MADD: variants seen among roughly 807,000 people sequenced by gnomAD.
MADD encodes the protein MAP kinase activating death domain.
A neutral mutation model predicts 176.7 loss-of-function variants in MADD; 109 were observed. The observed-to-expected ratio is 0.62, with a 90% CI of 0.53 to 0.72. The LOEUF (loss-of-function observed/expected upper bound fraction) is 0.72, where lower values mean the gene tolerates loss of function less well. Ranked by LOEUF, MADD falls within the 30% of genes least tolerant of loss-of-function variation. MADD has a pLI of 0.00. For synonymous variants in MADD, 771 were observed against 771.3 expected (o/e 1.00, Z 0.01); for missense variants, 1,914 against 2,045.5 (o/e 0.94, Z 1.24).
chr11:47,325,740 C>T lies in MADD; in HGVS notation c.4543-998C>T, dbSNP rs1157863078. Among the ~76,000 whole-genome samples, 2 of 152,346 alleles carry T rather than the reference C, an allele frequency of 1.3e-5. No homozygotes were observed. The highest frequency in any genetic ancestry group is 2.1e-4 in the South Asian group (1 of 4,832). On this transcript the variant is annotated intron_variant, in intron 30 of 32. Transcript: ENST00000402192. The surrounding 1 kb of genome is among the most constrained non-coding windows in gnomAD (Gnocchi z 4.5). ...GAGCAGACTTCTGACCACATTTTAG[C>T]GCCGTGGCCTCTGAAGATGAGATCT...
exon 33 of MADD, chr11:47,329,499 C>G: frequency 4.5e-6 from 1 of 224,374 alleles, no homozygotes; most frequent in Non-Finnish European, 9.0e-6. Flanking sequence ...CTGCAAGAGT[C>G]TGGCTCTCCC....
chr11:47,273,965 C>T (rs1409983548), exon 2 of MADD: 9 of 1,613,914 alleles, frequency 5.6e-6, no homozygotes, highest in East Asian at 2.2e-5. Flanking sequence ...ATCTAGTGAT[C>T]GTAGGGGCCA....
chr11:47,272,870 C>T (rs1380348062), intron 1 of MADD, among the ~76,000 whole-genome samples: 1 of 152,102 alleles, frequency 6.6e-6, no homozygotes, highest in African/African-American at 2.4e-5. Flanking sequence ...AGCCTGAGAT[C>T]AAAATAGAGG....
chr11:47,286,193 A>T lies in MADD; in HGVS notation c.2552-240A>T, dbSNP rs138318277. On this transcript the variant is annotated intron_variant, in intron 14 of 32. Transcript: ENST00000402192. ...GTGTAGCAGTGGATGAGAGACTTGG[A>T]TATTATCATGTGAGGTGGACAGAGA... is the stretch of plus-strand genomic sequence containing the variant. Among the ~76,000 whole-genome samples the T allele has an allele frequency of 3.1e-3, 478 of 152,248 alleles. 6 individuals carry two copies. Among genetic ancestry groups the T allele is most frequent in the African/African-American group, 0.011 (462 of 41,544 alleles).
chr11:47,322,113 C>T (rs1478700412), intron 27 of MADD, among the ~76,000 whole-genome samples: 2 of 152,072 alleles, frequency 1.3e-5, no homozygotes, highest in African/African-American at 4.8e-5. Flanking sequence ...CACATTAACT[C>T]ATTTAGTCTT....
At chr11:47,269,955 TGGCGCGCCCTCCCGCGCCCACG>T (rs1259808033), upstream of MADD, 3 of 152,232 alleles carry the variant, frequency 2.0e-5, no homozygotes, top group Admixed American at 6.5e-5. Context: ...TGGGTCGGCC[TGGCGCGCCCTCCCGCGCCCACG>T]GGCGCTAGGC....
At chr11:47,308,659 A>G in exon 23 of MADD, 1 of 1,614,116 alleles carries the variant, frequency 6.2e-7, no homozygotes, top group East Asian at 2.2e-5. Context: ...GTACTTCTGA[A>G]GATGTGAGCC....
intron 13 of MADD, 99 bp from the exon 14 acceptor site, chr11:47,285,352 G>A (rs2059865064): frequency 2.6e-6 from 4 of 1,565,060 alleles, no homozygotes; most frequent in East Asian, 2.2e-5. Context: ...TAGGAATTAC[G>A]GGAAGGGAGT....
At chr11:47,275,391 A>G (rs1048049931) in intron 3 of MADD, among the ~76,000 whole-genome samples, 1 of 152,222 alleles carries the variant, frequency 6.6e-6, no homozygotes, top group African/African-American at 2.4e-5. Flanking sequence ...TCCTGGGTTC[A>G]AGTGATCCTT....
intron 27 of MADD, among the ~76,000 whole-genome samples, chr11:47,320,802 G>A (rs1378169228): frequency 6.6e-6 from 1 of 151,984 alleles, no homozygotes; most frequent in Non-Finnish European, 1.5e-5. Flanking sequence ...CATGCCTATG[G>A]TCCTAGCTAC....
chr11:47,327,468 G>A, intron 31 of MADD: 1 of 985,410 alleles, frequency 1.0e-6, no homozygotes, highest in Non-Finnish European at 1.2e-6. Context: ...GGCTCGTGCT[G>A]CCTCTCCCCA....
chr11:47,289,325 G>T, intron 15 of MADD, 66 bp from the exon 17 acceptor site: 2 of 1,314,618 alleles, frequency 1.5e-6, no homozygotes, highest in South Asian at 2.4e-5. Context: ...GCTACTTAGG[G>T]CTGTGCTGGC....
At chr11:47,285,066 G>T in exon 13 of MADD, 1 of 1,614,160 alleles carries the variant, frequency 6.2e-7, no homozygotes, top group African/African-American at 1.3e-5. Flanking sequence ...TTGGAGAGGG[G>T]TCAGTGCGCC....
exon 5 of MADD, chr11:47,276,759 G>T (rs1565277409): frequency 6.2e-7 from 1 of 1,614,146 alleles, no homozygotes; most frequent in East Asian, 2.2e-5. Context: ...AGACTACAAT[G>T]CACTCTCCAT....
In MADD at chr11:47,325,545, G is replaced by A. The variant is rs2095349782; in HGVS notation, c.4542+968G>A. Among the ~76,000 whole-genome samples, 1 of 152,184 alleles carries A rather than the reference G, an allele frequency of 6.6e-6. No homozygotes were observed. The highest frequency in any genetic ancestry group is 2.1e-4 in the South Asian group (1 of 4,826). On this transcript the variant is annotated intron_variant, in intron 30 of 32. Transcript: ENST00000402192. This position sits in a 1 kb window ranked among gnomAD's most constrained non-coding sequence, Gnocchi z 4.5. ...GTAGCTCTCTTTCAGGAACGTAGCTGGGCAGCTTTGGTTTAACAGGAAATG... is the reference window on the plus strand; with the variant it reads ...GTAGCTCTCTTTCAGGAACGTAGCTAGGCAGCTTTGGTTTAACAGGAAATG...
exon 29 of MADD, chr11:47,324,315 C>T (rs1461467600): frequency 6.2e-7 from 1 of 1,614,220 alleles, no homozygotes; most frequent in South Asian, 1.1e-5. Context: ...GCGCTGCCGC[C>T]CGACAGCAAA....
In MADD at chr11:47,274,011, C is replaced by T; in HGVS notation, c.62+35C>T. ...AAGAGATTGACTTTTGTCTTAATAT[C>T]TGGGATAGCCATAAAATCTGCAGTT... On this transcript the variant is annotated intron_variant, in intron 2 of 32. Transcript: ENST00000402192. 3 of 1,585,160 alleles carry T rather than the reference C, an allele frequency of 1.9e-6. No homozygotes were observed. In the East Asian group the frequency reaches 6.7e-5, roughly 35 times the overall value.
intron 5 of MADD, among the ~76,000 whole-genome samples, chr11:47,277,292 A>T (rs549090601): frequency 2.2e-4 from 33 of 152,140 alleles, no homozygotes; most frequent in Non-Finnish European, 4.4e-4. Context: ...CTCTTTGGGC[A>T]TATATTTGGT....
chr11:47,293,304 CTTT>C (rs796151719), intron 19 of MADD, among the ~76,000 whole-genome samples: 5 of 138,880 alleles, frequency 3.6e-5, no homozygotes, highest in Admixed American at 1.4e-4. Context: ...TGGAGCTTTT[CTTT>C]TTTTTTTTTT....
Sources: gnomAD v4.1 joint callset for allele counts (sites outside exome capture counted in the v4.1 genomes callset) on GRCh38, gnomAD v4.1.1 for gene constraint, Gnocchi (gnomAD v3.1) non-coding constraint, MANE v1.5 for transcripts, NCBI Gene and HGNC (gene_info 2026-07-23, HGNC 2026-07-21) for gene names.